Variants in PRAMEF19 observed in about 807,000 individuals in gnomAD.
PRAMEF19 encodes PRAME family member 19.
PRAMEF19 carries 21 observed loss-of-function variants against 33.1 expected under a neutral mutation model. The observed-to-expected ratio is 0.63, with a 90% CI of 0.45 to 0.91. The LOEUF (loss-of-function observed/expected upper bound fraction) is 0.91. Ranked by LOEUF, PRAMEF19 falls within the 40% of genes least tolerant of loss-of-function variation. The probability of loss-of-function intolerance (pLI) is 0.00; values close to 1 mark genes in which losing one functional copy is unlikely to be tolerated. For missense variants in PRAMEF19, 481 were observed against 585.2 expected (o/e 0.82, Z 1.84); for synonymous variants, 179 against 229.3 (o/e 0.78, Z 1.98).
chr1:13,369,223 C>A, exon 3 of PRAMEF19: 5 of 1,612,008 alleles, frequency 3.1e-6, no homozygotes, highest in Non-Finnish European at 8.5e-7. Flanking sequence ...GGGTGAGGAG[C>A]TCCGAAATGA....
chr1:13,368,528 T>C (rs1640627583), downstream of PRAMEF19, among the ~76,000 whole-genome samples: 1 of 152,136 alleles, frequency 6.6e-6, no homozygotes, highest in South Asian at 2.1e-4. Flanking sequence ...GAACTAAAGA[T>C]TTCTGATGTA....
Position 13,371,602 on chromosome 1 carries a change from G to A in PRAMEF19, c.287+12C>T. On this transcript the variant is annotated intron_variant, in intron 1 of 2. Transcript: ENST00000376101. ...CTGGACACCTGGGCCCTCCCCACCT[G>A]GGTCACCTCACCTGGGGCGAACCTT... 1 of 1,610,818 alleles carries A rather than the reference G, an allele frequency of 6.2e-7. No homozygotes were observed. The highest frequency in any genetic ancestry group is 1.1e-5 in the South Asian group (1 of 90,932).
exon 1 of PRAMEF19, chr1:13,371,882 G>A (rs1283247596): frequency 8.1e-6 from 13 of 1,611,858 alleles, no homozygotes; most frequent in African/African-American, 4.0e-5. Context: ...AGGAGTCTGC[G>A]TGGGGCCTGG....
downstream of PRAMEF19, chr1:13,368,915 C>A (rs1189237241): frequency 1.5e-5 from 19 of 1,272,054 alleles, no homozygotes; most frequent in Non-Finnish European, 2.0e-5. Context: ...GAGTTTGAGA[C>A]CAGCCTGGAC....
At chr1:13,369,829 G>GT (rs1640649836) in intron 2 of PRAMEF19, among the ~76,000 whole-genome samples, 189 bp from the exon 3 acceptor site, 2 of 151,150 alleles carry the variant, frequency 1.3e-5, no homozygotes, top group Admixed American at 1.3e-4. Context: ...TTTAGGCTCA[G>GT]TCCTTTCACC....
exon 1 of PRAMEF19, chr1:13,371,841 G>A: frequency 6.2e-7 from 1 of 1,611,970 alleles, no homozygotes; most frequent in Non-Finnish European, 8.5e-7. Flanking sequence ...CCAAGGCCTG[G>A]TCCCTCAGCA....
At chr1:13,370,502 T>C (rs1640656804) in intron 2 of PRAMEF19, 147 bp downstream of exon 2, 2 of 1,063,378 alleles carry the variant, frequency 1.9e-6, no homozygotes, top group Non-Finnish European at 2.7e-6. Context: ...CTTCAGGATA[T>C]AGAGCACCAA....
exon 1 of PRAMEF19, chr1:13,371,778 C>T: frequency 6.2e-7 from 1 of 1,611,494 alleles, no homozygotes; most frequent in South Asian, 1.1e-5. Context: ...TGAAGGCCTC[C>T]ACGAACAGTC....
exon 1 of PRAMEF19, chr1:13,371,674 T>A: frequency 6.2e-7 from 1 of 1,610,456 alleles, no homozygotes; most frequent in Non-Finnish European, 8.5e-7. Context: ...ATGTAAGATC[T>A]CCAGATCAGG....
In PRAMEF19 at chr1:13,369,514, T is replaced by C. The variant is rs1392615045; in HGVS notation, c.993A>G (p.Thr331=). 5 of 1,613,842 alleles carry C rather than the reference T, an allele frequency of 3.1e-6. No homozygotes were observed. In the East Asian group the frequency reaches 6.7e-5, roughly 22 times the overall value. The change falls in exon 3 of 3, where the codon ACA becomes ACG. Residue 331 remains threonine (T), a synonymous_variant. Transcript: ENST00000376101. ...GGGGCTCAAGACGGATGAAGCGCAG[T>C]GTACCATGACTCAGATTCAGCTGCT...
At chr1:13,369,310 G>A (rs765193463) in exon 3 of PRAMEF19, 1 of 1,612,084 alleles carries the variant, frequency 6.2e-7, no homozygotes, top group South Asian at 1.1e-5. Flanking sequence ...TGCCTGTGTG[G>A]CGCAGCAGGT....
At position 13,369,516 on chromosome 1, in the gene PRAMEF19, T is replaced by G. The variant is rs12119874; in HGVS notation, c.991A>C (p.Thr331Pro). 5.7e-6 allele frequency: 9 copies of G among 1,580,190 alleles called. No individual in the cohort carries two copies. In the African/African-American group the frequency reaches 1.3e-4, roughly 23 times the overall value. The change falls in exon 3 of 3, where the codon ACA becomes CCA. Residue 331 changes from threonine (T) to proline (P), a missense_variant. Thr to Pro is a conservative substitution (Grantham distance 38). Around this residue, in one of 3 missense-constraint regions of PRAMEF19, gnomAD observed 392 missense variants for 397.5 expected, o/e 0.99. Transcript: ENST00000376101. ...GGCTCAAGACGGATGAAGCGCAGTG[T>G]ACCATGACTCAGATTCAGCTGCTTC...
At chr1:13,370,854 C>T (rs1640662883) in exon 2 of PRAMEF19, 3 of 1,613,920 alleles carry the variant, frequency 1.9e-6, no homozygotes, top group African/African-American at 1.3e-5. Context: ...ACCTCTGCTA[C>T]CATACACGGC....
chr1:13,370,567 A>G, intron 2 of PRAMEF19, 82 bp downstream of exon 2: 7 of 1,567,878 alleles, frequency 4.5e-6, no homozygotes, highest in Non-Finnish European at 6.1e-6. Context: ...TGGCTGGCAC[A>G]CAGTAGATGC....
chr1:13,368,479 A>C (rs1228084290), downstream of PRAMEF19, among the ~76,000 whole-genome samples: 30 of 152,246 alleles, frequency 2.0e-4, no homozygotes, highest in Non-Finnish European at 3.5e-4. Context: ...ATGAACTTAA[A>C]TCACAGATGA....
At chr1:13,368,843 G>A (rs1185891026), downstream of PRAMEF19, among the ~76,000 whole-genome samples, 3 of 152,076 alleles carry the variant, frequency 2.0e-5, no homozygotes, top group African/African-American at 7.2e-5. Flanking sequence ...ACCCGGCACA[G>A]CTGCTTATGC....
intron 2 of PRAMEF19, 62 bp downstream of exon 2, chr1:13,370,587 T>C (rs1640657614): frequency 1.2e-6 from 2 of 1,604,098 alleles, no homozygotes; most frequent in African/African-American, 1.3e-5. Flanking sequence ...CTGACTAGTG[T>C]TTACTGTAAC....
chr1:13,369,564 A>G (rs2359294), exon 3 of PRAMEF19: 84,447 of 1,612,582 alleles, frequency 0.052, 3,453 homozygotes, highest in East Asian at 0.26. Context: ...CTTGGGTACC[A>G]GGGCAGACAT....
chr1:13,369,366 T>C (rs763111416), exon 3 of PRAMEF19: 3 of 1,612,080 alleles, frequency 1.9e-6, no homozygotes, highest in African/African-American at 1.3e-5. Flanking sequence ...AAGCAGAAAG[T>C]GGTGAGGTTG....
Sources: allele counts gnomAD v4.1 joint callset (sites outside exome capture counted in the v4.1 genomes callset), GRCh38; gene constraint gnomAD v4.1.1; regional missense constraint gnomAD v4.1.1; transcripts MANE v1.5; gene names NCBI Gene and HGNC (gene_info 2026-07-23, HGNC 2026-07-21).